Variants in ZNF713 observed in about 807,000 individuals in gnomAD.
ZNF713 encodes the protein zinc finger protein 713.
A neutral mutation model predicts 28.7 loss-of-function variants in ZNF713; 21 were observed. The ratio of observed to expected loss-of-function variants is 0.73; its 90% confidence interval spans 0.52 to 1.05. The LOEUF (loss-of-function observed/expected upper bound fraction) is 1.05, where lower values mean the gene tolerates loss of function less well. Ranked by LOEUF, ZNF713 falls within the 50% of genes least tolerant of loss-of-function variation. The pLI is 0.00. For missense variants in ZNF713, 458 were observed against 532.4 expected, an observed-to-expected ratio of 0.86 and a Z score of 1.37; for synonymous variants, 167 against 178.0, an observed-to-expected ratio of 0.94 and a Z score of 0.49.
chr7:55,915,120 C>T (rs919957101), intron 4 of ZNF713, among the ~76,000 whole-genome samples: 3 of 152,220 alleles, frequency 2.0e-5, no homozygotes, highest in African/African-American at 7.2e-5. Flanking sequence ...CGTGAGCCGC[C>T]GCACCTGGCC....
At chr7:55,928,576 C>T (rs954775503) in intron 6 of ZNF713, among the ~76,000 whole-genome samples, 3 of 152,036 alleles carry the variant, frequency 2.0e-5, no homozygotes. Context: ...AATGTATTGC[C>T]ATGTAAGTAG....
chr7:55,900,944 T>A (rs190341284), intron 1 of ZNF713, among the ~76,000 whole-genome samples: 2 of 152,324 alleles, frequency 1.3e-5, no homozygotes, highest in Admixed American at 6.5e-5. Flanking sequence ...GTGCTGGGAT[T>A]ACAGGCATGA....
intron 1 of ZNF713, among the ~76,000 whole-genome samples, chr7:55,892,572 A>AC (rs1444491689): frequency 1.3e-5 from 2 of 149,972 alleles, no homozygotes; most frequent in East Asian, 2.0e-4. Context: ...AAAAAAAAAA[A>AC]AAAAAACAAA....
intron 1 of ZNF713, among the ~76,000 whole-genome samples, chr7:55,901,857 C>T (rs1464904607): frequency 6.6e-6 from 1 of 152,256 alleles, no homozygotes; most frequent in Non-Finnish European, 1.5e-5. Flanking sequence ...CACTTACTAA[C>T]ATGACATGTA....
chr7:55,928,969 CAAAAAAA>C (rs35152322), intron 6 of ZNF713, among the ~76,000 whole-genome samples: 12 of 119,314 alleles, frequency 1.0e-4, no homozygotes, highest in East Asian at 4.8e-4. Flanking sequence ...CCATTTCTAC[CAAAAAAA>C]AAAAAAAAAA....
intron 1 of ZNF713, among the ~76,000 whole-genome samples, chr7:55,895,070 T>C (rs1329171045): frequency 6.6e-6 from 1 of 152,208 alleles, no homozygotes; most frequent in Non-Finnish European, 1.5e-5. Flanking sequence ...AAAAGTAAAA[T>C]GAGGGTATTT....
intron 6 of ZNF713, among the ~76,000 whole-genome samples, chr7:55,934,792 A>G (rs151060657): frequency 3.9e-5 from 6 of 152,182 alleles, no homozygotes; most frequent in Non-Finnish European, 8.8e-5. Flanking sequence ...AGTGTGAGCC[A>G]CTGTGCCCAG....
At chr7:55,895,350 G>C (rs1785454334) in intron 1 of ZNF713, among the ~76,000 whole-genome samples, 1 of 151,780 alleles carries the variant, frequency 6.6e-6, no homozygotes, top group African/African-American at 2.4e-5. Flanking sequence ...TTCAGGCTTG[G>C]TGTTGCTATT....
At chr7:55,915,878 A>T (rs1785874279) in intron 4 of ZNF713, among the ~76,000 whole-genome samples, 1 of 152,224 alleles carries the variant, frequency 6.6e-6, no homozygotes, top group Admixed American at 6.5e-5. Context: ...CCAATTCTAC[A>T]TTAAAAATCA....
intron 2 of ZNF713, among the ~76,000 whole-genome samples, chr7:55,907,557 C>CTT (rs1785704110): frequency 6.6e-6 from 1 of 152,180 alleles, no homozygotes. Flanking sequence ...ATGCATCACT[C>CTT]TAATAGTGAA....
intron 6 of ZNF713, among the ~76,000 whole-genome samples, chr7:55,927,227 A>G (rs1324766157): frequency 6.6e-6 from 1 of 152,116 alleles, no homozygotes; most frequent in Non-Finnish European, 1.5e-5. Flanking sequence ...GCCAGAATAA[A>G]AGGTAGTGTC....
chr7:55,889,321 C>CA (rs1785336081), intron 1 of ZNF713, among the ~76,000 whole-genome samples: 1 of 152,090 alleles, frequency 6.6e-6, no homozygotes. Flanking sequence ...AGGCTGATCT[C>CA]AAACTCCTGA....
chr7:55,914,151 A>G lies in ZNF713; in HGVS notation c.87+1428A>G, dbSNP rs181965064. ...AAGAGGCTTAGCTTTATTTCCAAAG[A>G]TGAGAAAATGAATGCACATTTATAT... On this transcript the variant is annotated intron_variant, in intron 4 of 6. Transcript: ENST00000429591. Among the ~76,000 whole-genome samples, 142 of 151,754 alleles carry G rather than the reference A, an allele frequency of 9.4e-4. 1 individual carries two copies. In the Middle Eastern group the frequency reaches 0.01, roughly 11 times the overall value.
rs1483978480 is a variant in ZNF713, at chr7:55,940,114, C to T, written c.*108C>T. The T allele has an allele frequency of 6.9e-7, 1 of 1,448,300 alleles. No homozygotes were observed. Among genetic ancestry groups the T allele is most frequent in the Non-Finnish European group, 9.0e-7 (1 of 1,106,724 alleles). The allele number at this position is 1,448,300 out of a possible 1,614,324, so 89.7% of individuals were successfully genotyped here. A position where few individuals can be genotyped will look rare whatever the true frequency, so the allele number is the denominator to read the frequency against. On this transcript the variant is annotated 3_prime_UTR_variant, in exon 7 of 7. Coordinates refer to ENST00000429591, the MANE Select transcript of ZNF713 (RefSeq NM_182633.3). ...ATTCATAGTGGAGAGAAAGCTTATA[C>T]ATAAATTTTTGTTTTGTTTTGTTTT...
At chr7:55,916,728 C>G (rs902885221) in intron 4 of ZNF713, among the ~76,000 whole-genome samples, 4 of 152,086 alleles carry the variant, frequency 2.6e-5, no homozygotes, top group African/African-American at 9.7e-5. Flanking sequence ...TCTGGGAAAC[C>G]ATCTGGAAAA....
intron 5 of ZNF713, 22 bp from the exon 6 acceptor site, chr7:55,923,585 T>C (rs778191125): frequency 8.3e-6 from 13 of 1,564,430 alleles, no homozygotes; most frequent in Non-Finnish European, 1.1e-5. Context: ...ACTCCTAAGA[T>C]GTATGTTACT....
chr7:55,910,141 A>C (rs1349817092), intron 2 of ZNF713, among the ~76,000 whole-genome samples: 1 of 152,066 alleles, frequency 6.6e-6, no homozygotes, highest in Non-Finnish European at 1.5e-5. Context: ...GATTATAGGC[A>C]TGAGCCACTG....
At position 55,923,246 on chromosome 7, in the gene ZNF713, C is replaced by T. The variant is rs973963811; in HGVS notation, c.172C>T (p.Arg58Ter). 1.4e-5 allele frequency: 22 copies of T among 1,613,614 alleles called. No homozygotes were observed. The highest frequency in any genetic ancestry group is 1.8e-5 in the Non-Finnish European group (21 of 1,179,890). ...GTACCCTGCCCAAAAGAACCTCTAT[C>T]GAGACGTGATGCTGGAGAACTACAG... is the stretch of plus-strand genomic sequence containing the variant. ...QLYPAQKNLYRDVMLENYRNL... is the reference protein window; with the variant it reads ...QLYPAQKNLY The change falls in exon 5 of 7, where the codon CGA (arginine) becomes TGA (stop). Residue 58 changes from arginine to a stop codon, truncating the protein, a stop_gained. Coordinates refer to ENST00000429591, the MANE Select transcript of ZNF713 (RefSeq NM_182633.3). LOFTEE classifies it high-confidence loss of function.
intron 1 of ZNF713, among the ~76,000 whole-genome samples, chr7:55,891,295 C>T (rs537207481): frequency 5.3e-5 from 8 of 152,200 alleles, no homozygotes; most frequent in South Asian, 2.1e-4. Context: ...TCTCCATTTA[C>T]GCCTGCAAAA....
Sources: gnomAD v4.1 joint callset for allele counts (sites outside exome capture counted in the v4.1 genomes callset) on GRCh38, gnomAD v4.1.1 for gene constraint, MANE v1.5 for transcripts, NCBI Gene and HGNC (gene_info 2026-07-23, HGNC 2026-07-21) for gene names.